NINJ2: variants seen among roughly 807,000 people sequenced by gnomAD.
NINJ2 encodes ninjurin-2.
NINJ2 carries 12 observed loss-of-function variants against 11.7 expected under a neutral mutation model. The observed-to-expected ratio is 1.02, with a 90% CI of 0.66 to 1.66. The LOEUF is 1.66. NINJ2 is among the 40% of genes most tolerant of loss of function. The pLI is 0.00. For missense variants in NINJ2, 187 were observed against 181.8 expected, an observed-to-expected ratio of 1.03 and a Z score of -0.16; for synonymous variants, 93 against 76.8, an observed-to-expected ratio of 1.21 and a Z score of -1.10.
At chr12:608,569 C>T (rs989321586) in intron 1 of NINJ2, among the ~76,000 whole-genome samples, 1 of 152,204 alleles carries the variant, frequency 6.6e-6, no homozygotes, top group Non-Finnish European at 1.5e-5. Context: ...CAAACCCAGG[C>T]AATCTGGCTC....
chr12:576,542 T>C (rs1287178172), intron 1 of NINJ2, among the ~76,000 whole-genome samples: 1 of 152,228 alleles, frequency 6.6e-6, no homozygotes, highest in Non-Finnish European at 1.5e-5. Flanking sequence ...TCGCCCAGGC[T>C]GCGGGGTGGT....
intron 1 of NINJ2, among the ~76,000 whole-genome samples, chr12:642,376 GC>G (rs1311359590): frequency 6.6e-6 from 1 of 152,144 alleles, no homozygotes; most frequent in East Asian, 1.9e-4. Flanking sequence ...GACTACAGGC[GC>G]CCGCCACCAC....
intron 1 of NINJ2, among the ~76,000 whole-genome samples, chr12:619,552 C>T (rs908884054): frequency 2.6e-5 from 4 of 152,146 alleles, no homozygotes; most frequent in African/African-American, 7.2e-5. Flanking sequence ...ATGTAAAGAA[C>T]GCTGTGTCCT....
chr12:647,013 CT>C (rs1195536217), intron 1 of NINJ2, among the ~76,000 whole-genome samples: 2 of 152,168 alleles, frequency 1.3e-5, no homozygotes, highest in Non-Finnish European at 2.9e-5. Context: ...ATGCTGCAGA[CT>C]TTGGGCTGGC....
intron 1 of NINJ2, among the ~76,000 whole-genome samples, chr12:629,896 A>ATATATAT (rs1555166136): frequency 1.6e-3 from 16 of 9,900 alleles, no homozygotes; most frequent in African/African-American, 2.2e-3. Context: ...AAAAAAAAAA[A>ATATATAT]ATATATATAT....
In NINJ2 at chr12:609,532, G is replaced by A. The variant is rs577475430; in HGVS notation, c.34-43354C>T. ...CGCCTGTAATCCCAGCACTTTGGGA[G>A]GCTGAGGCGGGTGGATCACGAGGTC... On this transcript the variant is annotated intron_variant, in intron 1 of 3. Transcript: ENST00000305108. Among the ~76,000 whole-genome samples, 81 of 152,304 alleles carry A rather than the reference G, an allele frequency of 5.3e-4. 1 individual carries two copies. The East Asian group carries it at 0.012, about 22-fold the overall frequency.
At chr12:601,271 G>A (rs1397601742) in intron 1 of NINJ2, among the ~76,000 whole-genome samples, 3 of 152,208 alleles carry the variant, frequency 2.0e-5, no homozygotes, top group Non-Finnish European at 2.9e-5. Flanking sequence ...AACAGGCCGG[G>A]CGCAGTGGCT....
chr12:625,079 G>A (rs1437066824), intron 1 of NINJ2, among the ~76,000 whole-genome samples: 1 of 136,762 alleles, frequency 7.3e-6, no homozygotes, highest in Non-Finnish European at 1.5e-5. Context: ...TCCTGCCTGG[G>A]CAACAAGAGA....
chr12:641,810 A>ACTCCAGC (rs1948420552), intron 1 of NINJ2, among the ~76,000 whole-genome samples: 1 of 146,938 alleles, frequency 6.8e-6, no homozygotes, highest in South Asian at 2.1e-4. Context: ...GCGCCACTGC[A>ACTCCAGC]CTCCAGCCTG....
At chr12:596,096 C>T (rs1205064703) in intron 1 of NINJ2, among the ~76,000 whole-genome samples, 2 of 152,172 alleles carry the variant, frequency 1.3e-5, no homozygotes, top group East Asian at 1.9e-4. Context: ...GAACACAGTT[C>T]GGCAATTTCT....
At chr12:599,669 T>C (rs1034253147) in intron 1 of NINJ2, among the ~76,000 whole-genome samples, 14 of 152,352 alleles carry the variant, frequency 9.2e-5, no homozygotes, top group Admixed American at 3.3e-4. Context: ...ATTTGAACCC[T>C]GACTTGCCTC....
chr12:649,553 A>ATATATAT (rs1592118209), intron 1 of NINJ2, among the ~76,000 whole-genome samples: 2 of 146,446 alleles, frequency 1.4e-5, no homozygotes, highest in African/African-American at 5.0e-5. Context: ...ATATATATAT[A>ATATATAT]GTAGCCCATG....
chr12:577,452 G>GTGTATATATATATATACATATATAT (rs1555161825), intron 1 of NINJ2, among the ~76,000 whole-genome samples: 1 of 57,530 alleles, frequency 1.7e-5, no homozygotes, highest in African/African-American at 5.9e-5. Flanking sequence ...TAAATATTTT[G>GTGTATATATATATATACATATATAT]GCACGATCTT....
At position 617,703 on chromosome 12, in the gene NINJ2, C is replaced by T. The variant is rs535800934; in HGVS notation, c.33+45625G>A. Among the ~76,000 whole-genome samples the T allele has an allele frequency of 2.0e-5, 3 of 152,328 alleles. No homozygotes were observed. In the South Asian group the frequency reaches 6.2e-4, roughly 32 times the overall value. ...GCGTCGCCGTGTTTTCTGTGCTCTG[C>T]GCTCACTCCCCAGGACGTTCTGGTT... is the stretch of plus-strand genomic sequence containing the variant. On this transcript the variant is annotated intron_variant, in intron 1 of 3. Transcript: ENST00000305108.
At chr12:566,227 G>T in intron 1 of NINJ2, 49 bp from the exon 2 acceptor site, 1 of 1,494,148 alleles carries the variant, frequency 6.7e-7, no homozygotes, top group Non-Finnish European at 9.2e-7. Flanking sequence ...TGGAAGGGAA[G>T]CAGTTGAGAG....
At chr12:571,910 C>T (rs1173504530) in intron 1 of NINJ2, among the ~76,000 whole-genome samples, 1 of 152,194 alleles carries the variant, frequency 6.6e-6, no homozygotes, top group African/African-American at 2.4e-5. Flanking sequence ...TACCAAAAAG[C>T]CATGGAGCCC....
intron 1 of NINJ2, among the ~76,000 whole-genome samples, chr12:639,264 A>G (rs1948391935): frequency 6.6e-6 from 1 of 152,186 alleles, no homozygotes; most frequent in African/African-American, 2.4e-5. Flanking sequence ...TTGCCACAAT[A>G]CTAGTCACAC....
chr12:598,409 G>A (rs11063797), intron 1 of NINJ2, among the ~76,000 whole-genome samples: 5 of 151,972 alleles, frequency 3.3e-5, no homozygotes, highest in Non-Finnish European at 5.9e-5. Context: ...GAGAGGACTG[G>A]AGAGGGCTGC....
At chr12:632,071 G>T (rs962654013) in intron 1 of NINJ2, 4 of 152,180 alleles carry the variant, frequency 2.6e-5, no homozygotes. Flanking sequence ...ATAGCAATTT[G>T]TGGGTGGACT....
Sources: gnomAD v4.1 joint callset for allele counts (sites outside exome capture counted in the v4.1 genomes callset) on GRCh38, gnomAD v4.1.1 for gene constraint, MANE v1.5 for transcripts, NCBI Gene and HGNC (gene_info 2026-07-23, HGNC 2026-07-21) for gene names.